The following AGBL2 variants were observed in gnomAD, a reference collection of about 807,000 sequenced individuals.
The protein encoded by AGBL2 is cytosolic carboxypeptidase 2.
In AGBL2, 87 loss-of-function variants were observed where a neutral mutation model predicts 103.0. The ratio of observed to expected loss-of-function variants is 0.84; its 90% CI spans 0.71 to 1.01. AGBL2 has a LOEUF of 1.01. Among genes scored for constraint, AGBL2 ranks in the 50% least tolerant of loss-of-function variants. The pLI, the probability that AGBL2 is intolerant of heterozygous loss-of-function variation, is 0.00. For missense variants in AGBL2, 904 were observed against 1,023.5 expected (o/e 0.88, Z 1.59); for synonymous variants, 335 against 356.7 (o/e 0.94, Z 0.69).
intron 13 of AGBL2, among the ~76,000 whole-genome samples, chr11:47,679,644 C>G (rs185650410): frequency 5.5e-4 from 84 of 151,724 alleles, no homozygotes; most frequent in Non-Finnish European, 1.1e-3. Context: ...GCATCATCAT[C>G]ACATTTCTTT....
At position 47,668,854 on chromosome 11, in the gene AGBL2, T is replaced by A; in HGVS notation, c.2201A>T (p.Asn734Ile). The A allele has an allele frequency of 2.5e-6, 4 of 1,613,340 alleles. No individual in the cohort carries two copies. The highest frequency in any genetic ancestry group is 1.3e-5 in the African/African-American group (1 of 74,986). ...LSDGLPVHLA[N>I]IADELTQKKK... ...AGTTCAGCTTACCTCATCTGCTATG[T>A]TTGCTAGGTGAACAGGAAGACCATC... The change falls in exon 15 of 19, where the codon AAC (asparagine) becomes ATC (isoleucine). Residue 734 changes from asparagine to isoleucine, a missense_variant. Transcript: ENST00000525123.
At chr11:47,685,300 G>A (rs1314215419) in intron 11 of AGBL2, among the ~76,000 whole-genome samples, 1 of 152,096 alleles carries the variant, frequency 6.6e-6, no homozygotes, top group Non-Finnish European at 1.5e-5. Context: ...TTTAGTAGTG[G>A]CAGGGGTCTC....
chr11:47,702,484 C>T (rs1484371340), intron 7 of AGBL2, among the ~76,000 whole-genome samples: 1 of 152,120 alleles, frequency 6.6e-6, no homozygotes, highest in East Asian at 1.9e-4. Flanking sequence ...TCCATGAACT[C>T]TCCACTTTGC....
chr11:47,712,808 G>A (rs944538208), intron 3 of AGBL2, among the ~76,000 whole-genome samples: 1 of 152,192 alleles, frequency 6.6e-6, no homozygotes, highest in African/African-American at 2.4e-5. Flanking sequence ...GGGAGGCTGA[G>A]GTGGGTGGAT....
chr11:47,702,488 A>G (rs1209558023), intron 7 of AGBL2, among the ~76,000 whole-genome samples: 1 of 152,082 alleles, frequency 6.6e-6, no homozygotes, highest in Non-Finnish European at 1.5e-5. Context: ...TGAACTCTCC[A>G]CTTTGCTCAT....
chr11:47,683,794 T>G (rs2097411928), intron 11 of AGBL2, among the ~76,000 whole-genome samples: 1 of 150,734 alleles, frequency 6.6e-6, no homozygotes, highest in Admixed American at 6.6e-5. Flanking sequence ...ATTAAAATAC[T>G]TTTCTAAAGC....
intron 3 of AGBL2, among the ~76,000 whole-genome samples, chr11:47,713,132 G>A (rs991213959): frequency 6.7e-6 from 1 of 149,382 alleles, no homozygotes; most frequent in African/African-American, 2.5e-5. Flanking sequence ...CTGAGGTCAG[G>A]AGTTCAAGAC....
chr11:47,690,115 G>T lies in AGBL2; in HGVS notation c.1592C>A (p.Ser531Tyr), dbSNP rs900125924. ...CCTGGTGTACCAAATACAAGGGAAA[G>T]ACTCCTTCAGAATGGTTTTATAATG... Reference protein sequence around the residue: ...NRHYKTILKESFPCIWYTRNM... With the variant: ...NRHYKTILKEYFPCIWYTRNM... Residue 531 changes from serine to tyrosine, a missense_variant, in exon 10 of 19, where the codon TCT becomes TAT. Coordinates refer to ENST00000525123, the MANE Select transcript of AGBL2 (RefSeq NM_024783.4). The T allele has an allele frequency of 3.7e-6, 6 of 1,612,142 alleles. No individual in the cohort carries two copies. Among genetic ancestry groups the T allele is most frequent in the Non-Finnish European group, 5.1e-6 (6 of 1,179,542 alleles).
At position 47,714,282 on chromosome 11, in the gene AGBL2, A is replaced by G. The variant is rs975539828; in HGVS notation, c.97+2T>C. On this transcript the variant is annotated splice_donor_variant, in intron 3 of 18. Transcript: ENST00000525123. LOFTEE classifies it high-confidence loss of function. Reference sequence around the variant, plus strand: ...TGATACTAGATAAGAACATGGTATTACCTTTAAAGTAGCCATAATATTGGA... The same window carrying G: ...TGATACTAGATAAGAACATGGTATTGCCTTTAAAGTAGCCATAATATTGGA... The G allele has an allele frequency of 1.2e-5, 20 of 1,610,590 alleles. No homozygotes were observed. The highest frequency in any genetic ancestry group is 1.7e-5 in the Admixed American group (1 of 59,764).
At chr11:47,699,310 A>G in intron 8 of AGBL2, 136 bp downstream of exon 8, 1 of 484,834 alleles carries the variant, frequency 2.1e-6, no homozygotes, top group Non-Finnish European at 3.5e-6. Context: ...CTCCTCCTCC[A>G]GGCTCCCACT....
rs761027023 is a variant in AGBL2 at position 47,692,127 on chromosome 11, C to T, written c.824G>A (p.Gly275Glu). ...TLLFESRFES[G>E]NLQKAVRVDT... ...CACTCTGACAGCTTTTTGCAGATTC[C>T]CACTCTCAAACCTTGATTCAAACAG... The change falls in exon 9 of 19, where the codon GGG (glycine) becomes GAG (glutamate). Residue 275 changes from glycine (G) to glutamate (E), a missense_variant. Coordinates refer to ENST00000525123, the MANE Select transcript of AGBL2 (RefSeq NM_024783.4). The T allele has an allele frequency of 4.5e-5, 72 of 1,611,214 alleles. No homozygotes were observed. Among genetic ancestry groups the T allele is most frequent in the Non-Finnish European group, 5.9e-5 (70 of 1,178,276 alleles).
At chr11:47,678,310 A>ATTTTG (rs2097384105) in intron 13 of AGBL2, among the ~76,000 whole-genome samples, 1 of 124,886 alleles carries the variant, frequency 8.0e-6, no homozygotes, top group African/African-American at 2.6e-5. Context: ...ATTTTATTTT[A>ATTTTG]TTTTATTTTA....
chr11:47,697,327 TC>T (rs1303285007), intron 8 of AGBL2, among the ~76,000 whole-genome samples: 1 of 151,754 alleles, frequency 6.6e-6, no homozygotes, highest in Non-Finnish European at 1.5e-5. Context: ...AACCTCCACC[TC>T]CCAAGGTTCA....
At chr11:47,698,365 T>C (rs1305959900) in intron 8 of AGBL2, among the ~76,000 whole-genome samples, 1 of 151,548 alleles carries the variant, frequency 6.6e-6, no homozygotes, top group African/African-American at 2.4e-5. Context: ...AGAGATAGGG[T>C]TTCTCCATGT....
chr11:47,668,794 A>G, intron 15 of AGBL2, 47 bp downstream of exon 15: 1 of 1,460,278 alleles, frequency 6.8e-7, no homozygotes, highest in Non-Finnish European at 9.6e-7. Flanking sequence ...TAGTGTCATG[A>G]CTTTTTTTTA....
intron 13 of AGBL2, among the ~76,000 whole-genome samples, chr11:47,678,338 A>ATTATTTTTTTTTT (rs1565026654): frequency 8.7e-4 from 83 of 95,142 alleles, no homozygotes; most frequent in East Asian, 1.3e-3. Context: ...TTATTTTATT[A>ATTATTTTTTTTTT]TTTTATTTTT....
intron 14 of AGBL2, among the ~76,000 whole-genome samples, chr11:47,675,382 T>TTG (rs2097371491): frequency 7.9e-6 from 1 of 125,800 alleles, no homozygotes; most frequent in South Asian, 2.9e-4. Context: ...TAAGTTTTTT[T>TTG]TTTTTTTTTT....
At chr11:47,714,219 A>C (rs1469775557) in intron 3 of AGBL2, 65 bp downstream of exon 3, 3 of 1,271,018 alleles carry the variant, frequency 2.4e-6, no homozygotes, top group Non-Finnish European at 3.4e-6. Context: ...CAACCCTCCC[A>C]GCTAACGAAG....
At chr11:47,667,448 G>T in intron 16 of AGBL2, 123 bp downstream of exon 16, 1 of 1,243,432 alleles carries the variant, frequency 8.0e-7, no homozygotes, top group Non-Finnish European at 1.1e-6. Flanking sequence ...AAAACAGAAA[G>T]TCTCCCTCTG....
Sources: allele counts gnomAD v4.1 joint callset (sites outside exome capture counted in the v4.1 genomes callset), GRCh38; gene constraint gnomAD v4.1.1; transcripts MANE v1.5; gene names NCBI Gene and HGNC (gene_info 2026-07-23, HGNC 2026-07-21).